UPRT: variants seen among roughly 807,000 people sequenced by gnomAD.
UPRT encodes uracil phosphoribosyltransferase homolog.
A neutral mutation model predicts 22.6 loss-of-function variants in UPRT; 5 were observed. The observed-to-expected ratio is 0.22, with a 90% CI of 0.12 to 0.47. UPRT has a LOEUF of 0.47. Among genes scored for constraint, UPRT ranks in the 20% least tolerant of loss-of-function variants. The probability of loss-of-function intolerance (pLI) is 0.99; values close to 1 mark genes in which losing one functional copy is unlikely to be tolerated. For missense variants in UPRT, 181 were observed against 239.9 expected, an observed-to-expected ratio of 0.75 and a Z score of 1.62; for synonymous variants, 77 against 87.7, an observed-to-expected ratio of 0.88 and a Z score of 0.68.
intron 4 of UPRT, among the ~76,000 whole-genome samples, chrX:75,243,433 A>T (rs1310484260): frequency 8.9e-6 from 1 of 111,785 alleles, no homozygotes; most frequent in Non-Finnish European, 1.9e-5. Flanking sequence ...CAAGTCACTT[A>T]AGGAAAGAGA....
At position 75,303,743 on chromosome X, in the gene UPRT, C is replaced by G; in HGVS notation, c.*232C>G. Reference sequence around the variant, plus strand: ...ACAAAACATAAATTTTAATAATATTCTAATGCAAATTACTGAACCCTCAGT... The same window carrying G: ...ACAAAACATAAATTTTAATAATATTGTAATGCAAATTACTGAACCCTCAGT... On this transcript the variant is annotated 3_prime_UTR_variant, in exon 7 of 7. Coordinates refer to ENST00000373383, the MANE Select transcript of UPRT (RefSeq NM_145052.4). The G allele has an allele frequency of 4.1e-6, 1 of 242,194 alleles. No individual in the cohort carries two copies. The highest frequency in any genetic ancestry group is 9.1e-5 in the East Asian group (1 of 10,950). The allele number at this position is 242,194 out of a possible 1,213,427, so 20.0% of individuals were successfully genotyped here.
At chrX:75,276,849 G>A (rs2082633492) in intron 1 of UPRT, among the ~76,000 whole-genome samples, 1 of 111,432 alleles carries the variant, frequency 9.0e-6, no homozygotes, top group Non-Finnish European at 1.9e-5. Flanking sequence ...CATCACCCCA[G>A]CAAGAAACCT....
At chrX:75,235,992 A>G (rs2082461715) in intron 4 of UPRT, among the ~76,000 whole-genome samples, 2 of 111,161 alleles carry the variant, frequency 1.8e-5, no homozygotes, top group Non-Finnish European at 3.8e-5. Context: ...CAATTAGGAA[A>G]AGAGGAAGTC....
At chrX:75,208,915 G>C (rs757443366) in intron 4 of UPRT, among the ~76,000 whole-genome samples, 15 of 111,703 alleles carry the variant, frequency 1.3e-4, no homozygotes, top group South Asian at 1.1e-3. Context: ...TGAGGATGAG[G>C]GGGAGGAGAG....
intron 4 of UPRT, among the ~76,000 whole-genome samples, chrX:75,196,673 C>G (rs1025634664): frequency 2.7e-5 from 3 of 111,532 alleles, no homozygotes; most frequent in African/African-American, 9.8e-5. Flanking sequence ...ATGGCAAAGC[C>G]TTGTTTCTAC....
chrX:75,201,615 A>C (rs2082347510), intron 4 of UPRT: 1 of 115,694 alleles, frequency 8.6e-6, no homozygotes, highest in Non-Finnish European at 1.9e-5. Flanking sequence ...GCAGGAAAAA[A>C]CCTAATCACA....
intron 1 of UPRT, among the ~76,000 whole-genome samples, chrX:75,286,548 G>T (rs1434827774): frequency 1.8e-5 from 2 of 111,231 alleles, no homozygotes; most frequent in African/African-American, 6.5e-5. Context: ...TGTTGGAAAG[G>T]GTATATTCTT....
At chrX:75,246,212 G>C (rs1034561413) in intron 4 of UPRT, among the ~76,000 whole-genome samples, 2 of 106,828 alleles carry the variant, frequency 1.9e-5, no homozygotes, top group African/African-American at 6.8e-5. Flanking sequence ...CCATTAACTC[G>C]TCATTTACAT....
rs2082621825 is a variant in UPRT, at chrX:75,274,374, G to A, written c.120G>A (p.Gly40=). The change falls in exon 1 of 7, where the codon GGG becomes GGA. Residue 40 remains glycine, a synonymous_variant. Transcript: ENST00000373383. Reference sequence around the variant, plus strand: ...GCGATCTGATCCTGGACCACGCAGGGGGAAACAGAGCCTCCAGGGCCAAGG... The same window carrying A: ...GCGATCTGATCCTGGACCACGCAGGAGGAAACAGAGCCTCCAGGGCCAAGG... The part of the protein sequence containing the change: ...RPGDLILDHA[G]GNRASRAKVI... The A allele has an allele frequency of 8.3e-7, 1 of 1,211,541 alleles. No individual in the cohort carries two copies. Among genetic ancestry groups the A allele is most frequent in the Non-Finnish European group, 1.1e-6 (1 of 895,478 alleles).
rs149989735 is a variant in UPRT, at chrX:75,158,398, T to C, written c.-737+1848T>C. ...GCACTTTATGTATGCAATAATTAAA[T>C]GTGTATAGTATTTTGTAACTTACAA... On this transcript the variant is annotated intron_variant, in intron 1 of 13. Coordinates refer to the UPRT transcript ENST00000652605. 6.0e-3 allele frequency among the ~76,000 whole-genome samples: 675 copies of C among 112,510 alleles called. 4 individuals carry two copies. The highest frequency in any genetic ancestry group is 0.02 in the African/African-American group (635 of 31,011).
chrX:75,249,081 A>G (rs929008322), intron 4 of UPRT, among the ~76,000 whole-genome samples: 1 of 111,750 alleles, frequency 8.9e-6, no homozygotes, highest in Non-Finnish European at 1.9e-5. Context: ...GAGAGGAACA[A>G]CCAGTACCAG....
chrX:75,272,630 C>A (rs576725459), upstream of UPRT, among the ~76,000 whole-genome samples: 61 of 108,303 alleles, frequency 5.6e-4, 1 homozygote, highest in South Asian at 0.02. Flanking sequence ...AAATAGGGTA[C>A]AGTGTATACT....
At chrX:75,236,535 C>G (rs1419143394) in intron 4 of UPRT, among the ~76,000 whole-genome samples, 1 of 111,760 alleles carries the variant, frequency 8.9e-6, no homozygotes, top group Non-Finnish European at 1.9e-5. Flanking sequence ...ATCGCACTAC[C>G]TGACTTCAAA....
At chrX:75,185,071 G>A (rs2082285089) in intron 4 of UPRT, among the ~76,000 whole-genome samples, 1 of 111,551 alleles carries the variant, frequency 9.0e-6, no homozygotes, top group South Asian at 3.8e-4. Flanking sequence ...AATAGGAGTG[G>A]TGAGAGAGGG....
intron 1 of UPRT, among the ~76,000 whole-genome samples, chrX:75,277,578 T>G (rs1330191766): frequency 2.7e-5 from 3 of 111,325 alleles, no homozygotes; most frequent in Non-Finnish European, 5.7e-5. Flanking sequence ...TTCATGAATA[T>G]TCATTATGAA....
At chrX:75,219,818 TAAA>T (rs1297181333) in intron 4 of UPRT, among the ~76,000 whole-genome samples, 2 of 111,627 alleles carry the variant, frequency 1.8e-5, no homozygotes, top group African/African-American at 6.5e-5. Context: ...ATCTTCCAGA[TAAA>T]AAAGTCAACA....
chrX:75,294,647 T>C, intron 2 of UPRT: 1 of 937,997 alleles, frequency 1.1e-6, no homozygotes, highest in Non-Finnish European at 1.4e-6. Flanking sequence ...CAGAGACCAA[T>C]TTTATTTAAA....
At chrX:75,161,868 T>C (rs1048375173) in intron 2 of UPRT, among the ~76,000 whole-genome samples, 3 of 111,639 alleles carry the variant, frequency 2.7e-5, no homozygotes, top group Non-Finnish European at 3.8e-5. Flanking sequence ...TTAGGGGGCA[T>C]GCCAAATCTG....
intron 4 of UPRT, among the ~76,000 whole-genome samples, chrX:75,189,493 T>G (rs1474696619): frequency 8.9e-6 from 1 of 112,160 alleles, no homozygotes; most frequent in East Asian, 2.8e-4. Context: ...AGATGTTTCT[T>G]AAGTCTGCTT....
Sources: gnomAD v4.1 joint callset for allele counts (sites outside exome capture counted in the v4.1 genomes callset) on GRCh38, gnomAD v4.1.1 for gene constraint, MANE v1.5 for transcripts, NCBI Gene and HGNC (gene_info 2026-07-23, HGNC 2026-07-21) for gene names.